PTPRB: variants seen among roughly 807,000 people sequenced by gnomAD.
The protein encoded by PTPRB is receptor-type tyrosine-protein phosphatase beta.
In PTPRB, 97 loss-of-function variants were observed where a neutral mutation model predicts 238.1. The observed-to-expected ratio is 0.41, with a 90% CI of 0.35 to 0.48. The LOEUF (loss-of-function observed/expected upper bound fraction) is 0.48, where lower values mean the gene tolerates loss of function less well. PTPRB is among the 20% of genes least tolerant of loss of function. The pLI is 0.30. For synonymous variants in PTPRB, 970 were observed against 995.4 expected (o/e 0.97, Z 0.48); for missense variants, 2,292 against 2,681.9 (o/e 0.85, Z 3.21).
At chr12:70,621,805 A>G (rs1260142200) in intron 3 of PTPRB, among the ~76,000 whole-genome samples, 1 of 152,208 alleles carries the variant, frequency 6.6e-6, no homozygotes, top group Non-Finnish European at 1.5e-5. Context: ...AAGCAAAACC[A>G]AAGAGATGAA....
rs1029708376 is a variant in PTPRB at position 70,552,954 on chromosome 12, G to T, written c.5210C>A (p.Ala1737Asp). The change falls in exon 21 of 34, where the codon GCC becomes GAC. Residue 1737 changes from alanine (A) to aspartate (D), a missense_variant. Physicochemically the swap from Ala to Asp is moderately radical, Grantham distance 126. This residue lies in a region of PTPRB where 683 missense variants were observed against 862.0 expected (regional missense o/e 0.79). Coordinates refer to ENST00000334414, the MANE Select transcript of PTPRB (RefSeq NM_001109754.4). ...LPSYLEYRHN[A>D]SIRVYQTNYF... ...ATTAGTCTGATACACCCGAATGGAG[G>T]CATTGTGCCTGTACTCCAGGTAGGA... 6.2e-7 allele frequency: 1 copy of T among 1,613,810 alleles called. No homozygotes were observed. Among genetic ancestry groups the T allele is most frequent in the African/African-American group, 1.3e-5 (1 of 74,932 alleles).
At chr12:70,559,820 CTTTTT>C (rs373129340) in intron 17 of PTPRB, among the ~76,000 whole-genome samples, 196 bp from the exon 18 acceptor site, 2 of 123,344 alleles carry the variant, frequency 1.6e-5, no homozygotes, top group Non-Finnish European at 3.4e-5. Context: ...ATTTTATGTA[CTTTTT>C]TTTTTTTTTT....
At chr12:70,548,859 C>T (rs1876476765) in intron 21 of PTPRB, among the ~76,000 whole-genome samples, 1 of 152,200 alleles carries the variant, frequency 6.6e-6, no homozygotes, top group African/African-American at 2.4e-5. Flanking sequence ...CGCTTTGACT[C>T]CCACTATTCA....
At position 70,566,647 on chromosome 12, in the gene PTPRB, A is replaced by T. The variant is rs758880551; in HGVS notation, c.3692T>A (p.Ile1231Lys). The T allele has an allele frequency of 6.2e-7, 1 of 1,613,908 alleles. No individual in the cohort carries two copies. Among genetic ancestry groups the T allele is most frequent in the Non-Finnish European group, 8.5e-7 (1 of 1,179,898 alleles). ...ACCAGCAGCTTTTTGCCAACTTACT[A>T]TTAAGGAATAACTGCTGTATGCATT... is the stretch of plus-strand genomic sequence containing the variant. ...ADNAYSSYSL[I>K]VSWQKAAGVA... The change falls in exon 15 of 34, where the codon ATA becomes AAA. Residue 1231 changes from isoleucine to lysine, a missense_variant. This residue lies in a region of PTPRB where 683 missense variants were observed against 862.0 expected (regional missense o/e 0.79). Coordinates refer to ENST00000334414, the MANE Select transcript of PTPRB (RefSeq NM_001109754.4).
At chr12:70,555,347 CA>C in intron 19 of PTPRB, 38 bp from the exon 20 acceptor site, 1 of 1,576,918 alleles carries the variant, frequency 6.3e-7, no homozygotes. Context: ...AGAGGGGTCA[CA>C]ACTCTGCTTT....
chr12:70,535,013 TG>T lies in PTPRB; in HGVS notation c.6082-59del. ...CGGAAAAGTGACTCCTTGGTGAACC[TG>T]GGGTTTCCCTCCTCTAAATGTCTTC... is the stretch of plus-strand genomic sequence containing the variant. On this transcript the variant is annotated intron_variant, in intron 29 of 33. Coordinates refer to ENST00000334414, the MANE Select transcript of PTPRB (RefSeq NM_001109754.4). The T allele has an allele frequency of 1.9e-6, 3 of 1,560,372 alleles. No homozygotes were observed. In the South Asian group the frequency reaches 3.6e-5, roughly 19 times the overall value.
At chr12:70,614,255 G>C (rs1884584555) in intron 3 of PTPRB, among the ~76,000 whole-genome samples, 2 of 152,132 alleles carry the variant, frequency 1.3e-5, no homozygotes, top group African/African-American at 4.8e-5. Flanking sequence ...TTCAAATTCT[G>C]AACAAAGTCT....
intron 21 of PTPRB, among the ~76,000 whole-genome samples, chr12:70,546,136 C>CAAA (rs35320376): frequency 0.14 from 11,667 of 81,656 alleles, 683 homozygotes; most frequent in Non-Finnish European, 0.21. Context: ...GACTCCACCT[C>CAAA]AAAAAAAAAA....
rs376071533 is a variant in PTPRB, at chr12:70,559,424, A to C, written c.4633T>G (p.Ser1545Ala). Reference sequence around the variant, plus strand: ...ACAGTCTTGACGTTGAATTGATAGGATCTCCCTGGACGAAGACCATACACA... The same window carrying C: ...ACAGTCTTGACGTTGAATTGATAGGCTCTCCCTGGACGAAGACCATACACA... ...RIVYGLRPGRSYQFNVKTVSG... is the reference protein window; with the variant it reads ...RIVYGLRPGRAYQFNVKTVSG... Residue 1545 changes from serine to alanine, a missense_variant, in exon 18 of 34, where the codon TCC becomes GCC. Ser to Ala is a moderately conservative substitution (Grantham distance 99). This residue lies in a region of PTPRB where 683 missense variants were observed against 862.0 expected (regional missense o/e 0.79). Coordinates refer to ENST00000334414, the MANE Select transcript of PTPRB (RefSeq NM_001109754.4). 3.1e-6 allele frequency: 5 copies of C among 1,613,782 alleles called. No homozygotes were observed. Among genetic ancestry groups the C allele is most frequent in the African/African-American group, 2.7e-5 (2 of 74,890 alleles).
chr12:70,555,840 G>A (rs2278341), intron 19 of PTPRB, 30 bp downstream of exon 19: 576,082 of 1,603,946 alleles, frequency 0.36, 105,205 homozygotes, highest in African/African-American at 0.4. Context: ...AGTGACAGGA[G>A]GCTCTGTGCG....
Position 70,534,971 on chromosome 12 carries a change from C to G in PTPRB, c.6082-16G>C. On this transcript the variant is annotated splice_polypyrimidine_tract_variant and intron_variant, in intron 29 of 33. Transcript: ENST00000334414. ...CACACTTTACCTAGAACAGGACAGA[C>G]AGAAAAAACATGAGTCCGGAAAAGT... The G allele has an allele frequency of 1.3e-6, 2 of 1,599,550 alleles. No homozygotes were observed. Among genetic ancestry groups the G allele is most frequent in the South Asian group, 2.2e-5 (2 of 89,694 alleles).
chr12:70,563,256 AC>A (rs1565947613), intron 15 of PTPRB, 149 bp from the exon 16 acceptor site: 5 of 903,878 alleles, frequency 5.5e-6, no homozygotes. Context: ...AAAGCACTTT[AC>A]AAAAATCTTC....
At chr12:70,576,669 C>CGGG (rs869128610) in intron 10 of PTPRB, 24 bp from the exon 11 acceptor site, 39 of 113,442 alleles carry the variant, frequency 3.4e-4, no homozygotes, top group African/African-American at 4.8e-4. Flanking sequence ...AGGTGGGGGG[C>CGGG]GGGGGGGGGG....
intron 10 of PTPRB, among the ~76,000 whole-genome samples, chr12:70,578,774 A>G (rs1231321611): frequency 8.5e-5 from 13 of 152,256 alleles, no homozygotes; most frequent in Admixed American, 8.5e-4. Flanking sequence ...ATATAAAATG[A>G]GAATCAACCT....
chr12:70,564,556 G>A (rs2136344388), intron 15 of PTPRB, among the ~76,000 whole-genome samples: 1 of 151,638 alleles, frequency 6.6e-6, no homozygotes, highest in Admixed American at 6.6e-5. Context: ...CCTTGACCAG[G>A]CGTGGTGGCT....
At position 70,563,223 on chromosome 12, in the gene PTPRB, A is replaced by G. The variant is rs1178811894; in HGVS notation, c.3905-116T>C. 4.7e-6 allele frequency: 5 copies of G among 1,068,274 alleles called. No individual in the cohort carries two copies. The Admixed American group carries it at 1.4e-4, about 29-fold the overall frequency. 66.2% of individuals were successfully genotyped at this position (1,068,274 alleles called of 1,614,324 possible). A position where few individuals can be genotyped will look rare whatever the true frequency, so the allele number is the denominator to read the frequency against. ...GGAAGTTGGATTCAGTGATACGGGA[A>G]ACAGTAACAATAGGAAAAGCCAAAA... On this transcript the variant is annotated intron_variant, in intron 15 of 33. Coordinates refer to ENST00000334414, the MANE Select transcript of PTPRB (RefSeq NM_001109754.4).
rs1054144749 is a variant in PTPRB, at chr12:70,635,298, ATTACTGAC to A, written c.451+365_451+372del. On this transcript the variant is annotated intron_variant, in intron 2 of 33. Coordinates refer to ENST00000334414, the MANE Select transcript of PTPRB (RefSeq NM_001109754.4). ...GTCAATAAAATCTAATAATTTTCCGATTACTGACTTTAGTCATTACATATATAGGCTGT... is the reference window on the plus strand; with the variant it reads ...GTCAATAAAATCTAATAATTTTCCGATTTAGTCATTACATATATAGGCTGT... Among the ~76,000 whole-genome samples, 12 of 152,334 alleles carry A rather than the reference ATTACTGAC, an allele frequency of 7.9e-5. No individual in the cohort carries two copies. In the East Asian group the frequency reaches 2.3e-3, roughly 29 times the overall value.
chr12:70,525,755 G>C (rs1285429728), intron 32 of PTPRB, among the ~76,000 whole-genome samples: 1 of 152,174 alleles, frequency 6.6e-6, no homozygotes, highest in Non-Finnish European at 1.5e-5. Flanking sequence ...TTCCCTTGCT[G>C]AGCAACTGCT....
chr12:70,600,281 G>C (rs1219040762), intron 4 of PTPRB, among the ~76,000 whole-genome samples: 1 of 152,118 alleles, frequency 6.6e-6, no homozygotes, highest in Non-Finnish European at 1.5e-5. Flanking sequence ...TTTCTCAGTT[G>C]GAATAGGGGC....
Sources: gnomAD v4.1 joint callset for allele counts (sites outside exome capture counted in the v4.1 genomes callset) on GRCh38, gnomAD v4.1.1 for gene constraint, gnomAD v4.1.1 regional missense constraint, MANE v1.5 for transcripts, NCBI Gene and HGNC (gene_info 2026-07-23, HGNC 2026-07-21) for gene names.